The following CLASP2 variants were observed in gnomAD, a reference collection of about 807,000 sequenced individuals.
CLASP2 encodes the protein CLIP-associating protein 2.
A neutral mutation model predicts 194.4 loss-of-function variants in CLASP2; 47 were observed. That is an observed-to-expected ratio of 0.24 (90% CI 0.19 to 0.31). The LOEUF (loss-of-function observed/expected upper bound fraction) is 0.31, where lower values mean the gene tolerates loss of function less well. CLASP2 is among the 10% of genes least tolerant of loss of function. The pLI, the probability that CLASP2 is intolerant of heterozygous loss-of-function variation, is 1.00. For missense variants in CLASP2, 1,445 were observed against 1,823.6 expected (o/e 0.79, Z 3.78); for synonymous variants, 619 against 633.5 (o/e 0.98, Z 0.34).
intron 34 of CLASP2, among the ~76,000 whole-genome samples, chr3:33,531,774 TCAAAA>T (rs1261656844): frequency 1.3e-4 from 19 of 150,056 alleles, no homozygotes; most frequent in Non-Finnish European, 2.4e-4. Flanking sequence ...AAACTCTGTC[TCAAAA>T]CAAAAACAAA....
At chr3:33,631,726 T>C (rs1577478490) in intron 9 of CLASP2, among the ~76,000 whole-genome samples, 1 of 150,042 alleles carries the variant, frequency 6.7e-6, no homozygotes, top group Non-Finnish European at 1.5e-5. Context: ...CATTGCAGCA[T>C]GATATGGAAT....
At chr3:33,526,937 C>A (rs557273887) in intron 34 of CLASP2, among the ~76,000 whole-genome samples, 2 of 152,038 alleles carry the variant, frequency 1.3e-5, no homozygotes, top group Non-Finnish European at 2.9e-5. Context: ...ACAATGAGAA[C>A]AAAGATACAA....
At chr3:33,534,087 T>C (rs1229790136) in intron 34 of CLASP2, among the ~76,000 whole-genome samples, 3 of 152,112 alleles carry the variant, frequency 2.0e-5, no homozygotes, top group East Asian at 3.8e-4. Flanking sequence ...TGCAGAAATA[T>C]GTTCACTGAC....
chr3:33,708,490 GTATATATATATA>G (rs149383675), intron 1 of CLASP2, among the ~76,000 whole-genome samples: 5 of 128,272 alleles, frequency 3.9e-5, no homozygotes, highest in Admixed American at 8.5e-5. Flanking sequence ...GTGTGTGTAT[GTATATATATATA>G]TATGTATATA....
chr3:33,663,658 G>A (rs1038060405), intron 6 of CLASP2, 143 bp from the exon 7 acceptor site: 30 of 605,090 alleles, frequency 5.0e-5, no homozygotes, highest in African/African-American at 1.9e-4. Flanking sequence ...CACAATTAAC[G>A]CACTGAAAGA....
At chr3:33,659,628 A>C (rs2084941352) in intron 7 of CLASP2, 1 of 158,240 alleles carries the variant, frequency 6.3e-6, no homozygotes, top group African/African-American at 2.4e-5. Context: ...ATCACGTCAA[A>C]GGCAGCCCAT....
chr3:33,567,533 T>C (rs2062961773), intron 26 of CLASP2, among the ~76,000 whole-genome samples: 3 of 152,208 alleles, frequency 2.0e-5, no homozygotes, highest in African/African-American at 4.8e-5. Context: ...TGGCAACTGA[T>C]ACTGCTTGCA....
At chr3:33,652,433 C>G (rs2083375517) in intron 7 of CLASP2, among the ~76,000 whole-genome samples, 1 of 152,162 alleles carries the variant, frequency 6.6e-6, no homozygotes, top group Non-Finnish European at 1.5e-5. Context: ...TCTACACTTC[C>G]CACACTGTGC....
intron 12 of CLASP2, 77 bp downstream of exon 12, chr3:33,619,526 G>A (rs2076776735): frequency 3.0e-6 from 4 of 1,347,524 alleles, no homozygotes; most frequent in African/African-American, 1.5e-5. Flanking sequence ...GGTGGGGAAA[G>A]GAGAGAAAAA....
rs2048189726 is a variant in CLASP2 at position 33,506,377 on chromosome 3, C to CAAAAAAAAAAAAAAAAAAAAAAAAA, written c.4317+4180_4317+4181insTTTTTTTTTTTTTTTTTTTTTTTTT. Among the ~76,000 whole-genome samples, 5 of 61,878 alleles carry CAAAAAAAAAAAAAAAAAAAAAAAAA rather than the reference C, an allele frequency of 8.1e-5. 2 individuals carry two copies. Among genetic ancestry groups the CAAAAAAAAAAAAAAAAAAAAAAAAA allele is most frequent in the African/African-American group, 2.9e-4 (5 of 17,542 alleles). The allele number at this position is 61,878 out of a possible 152,430, so 40.6% of individuals were successfully genotyped here. On this transcript the variant is annotated intron_variant, in intron 37 of 38. Transcript: ENST00000682230. ...TGGGTGACAGAGTGAGACTCTGTCT[C>CAAAAAAAAAAAAAAAAAAAAAAAAA]GAAAAAAAAAAAAAAAAAAAAAAAA...
chr3:33,604,259 C>T (rs1416053538), intron 16 of CLASP2, 50 bp from the exon 17 acceptor site: 3 of 1,164,886 alleles, frequency 2.6e-6, no homozygotes, highest in Non-Finnish European at 3.7e-6. Context: ...TAACACTCCT[C>T]TGATAAAAAC....
At chr3:33,581,027 AAAAAGAAAGAAAG>A (rs1188257501) in intron 23 of CLASP2, among the ~76,000 whole-genome samples, 2 of 150,224 alleles carry the variant, frequency 1.3e-5, no homozygotes, top group Non-Finnish European at 3.0e-5. Flanking sequence ...AAAAAAAAAA[AAAAAGAAAGAAAG>A]AAAAAAAAGA....
chr3:33,564,319 GATTAACTTCTTTTT>G (rs2062282950), intron 27 of CLASP2, among the ~76,000 whole-genome samples: 1 of 152,122 alleles, frequency 6.6e-6, no homozygotes, highest in Non-Finnish European at 1.5e-5. Context: ...GTCTAGCCAA[GATTAACTTCTTTTT>G]ATTTCCTATA....
chr3:33,651,890 C>T (rs2083282843), intron 7 of CLASP2, among the ~76,000 whole-genome samples: 1 of 152,054 alleles, frequency 6.6e-6, no homozygotes, highest in Non-Finnish European at 1.5e-5. Context: ...AACTCCTGAC[C>T]TCAGGTGATC....
rs1473904380 is a variant in CLASP2 at position 33,519,407 on chromosome 3, C to A, written c.3788-2233G>T. Among the ~76,000 whole-genome samples, 19 of 151,916 alleles carry A rather than the reference C, an allele frequency of 1.3e-4. No homozygotes were observed. In the East Asian group the frequency reaches 3.7e-3, roughly 29 times the overall value. ...GGTGAGAGACATAATCAATAGGTATCAGATATTGAAATAATTTCTATAAAA... is the reference window on the plus strand; with the variant it reads ...GGTGAGAGACATAATCAATAGGTATAAGATATTGAAATAATTTCTATAAAA... On this transcript the variant is annotated intron_variant, in intron 34 of 38. Transcript: ENST00000682230.
chr3:33,543,580 A>T (rs760182839), intron 31 of CLASP2, 41 bp from the exon 32 acceptor site: 7 of 1,263,710 alleles, frequency 5.5e-6, no homozygotes, highest in South Asian at 4.8e-5. Context: ...TATTACAGGT[A>T]AGTTCACTTA....
rs1168418370 is a variant in CLASP2, at chr3:33,584,747, T to C, written c.2239+3A>G. The C allele has an allele frequency of 3.9e-6, 6 of 1,531,176 alleles. No individual in the cohort carries two copies. 94.8% of individuals were successfully genotyped at this position (1,531,176 alleles called of 1,614,324 possible). A position where few individuals can be genotyped will look rare whatever the true frequency, so the allele number is the denominator to read the frequency against. Reference sequence around the variant, plus strand: ...TCACATAAAAAAAAAAAAAAAATCTTACCCACTGAAAGCCTAGATGGACTA... The same window carrying C: ...TCACATAAAAAAAAAAAAAAAATCTCACCCACTGAAAGCCTAGATGGACTA... On this transcript the variant is annotated splice_donor_region_variant and intron_variant, in intron 22 of 38. Coordinates refer to ENST00000682230, the MANE Select transcript of CLASP2 (RefSeq NM_001365631.1).
chr3:33,531,762 C>T (rs537377847), intron 34 of CLASP2, among the ~76,000 whole-genome samples: 9 of 151,948 alleles, frequency 5.9e-5, no homozygotes, highest in African/African-American at 1.2e-4. Context: ...ACGACAAGAG[C>T]GAAACTCTGT....
chr3:33,530,290 T>C (rs1273920196), intron 34 of CLASP2, among the ~76,000 whole-genome samples: 1 of 151,756 alleles, frequency 6.6e-6, no homozygotes, highest in Non-Finnish European at 1.5e-5. Flanking sequence ...GCCTGGACAA[T>C]ATCACAAAAC....
Sources: allele counts gnomAD v4.1 joint callset (sites outside exome capture counted in the v4.1 genomes callset), GRCh38; gene constraint gnomAD v4.1.1; transcripts MANE v1.5; gene names NCBI Gene and HGNC (gene_info 2026-07-23, HGNC 2026-07-21).